LTN1: variants seen among roughly 807,000 people sequenced by gnomAD.
LTN1 encodes E3 ubiquitin-protein ligase listerin.
In LTN1, 88 loss-of-function variants were observed where a neutral mutation model predicts 201.2. The observed-to-expected ratio is 0.44, with a 90% CI of 0.37 to 0.52. LTN1 has a LOEUF of 0.52. Ranked by LOEUF, LTN1 falls within the 20% of genes least tolerant of loss-of-function variation. LTN1 has a pLI of 0.00. For missense variants in LTN1, 1,752 were observed against 2,038.7 expected (o/e 0.86, Z 2.71); for synonymous variants, 645 against 713.5 (o/e 0.90, Z 1.53).
chr21:28,953,439 T>C, intron 16 of LTN1, 63 bp from the exon 17 acceptor site: 1 of 1,220,450 alleles, frequency 8.2e-7, no homozygotes, highest in Non-Finnish European at 1.1e-6. Flanking sequence ...TCAATTACTT[T>C]CACTTCTCCA....
rs556846208 is a variant in LTN1 at position 28,934,519 on chromosome 21, C to A, written c.4875+590G>T. The stretch of plus-strand genomic sequence containing the variant: ...GTGACACCTCCCCGCCTCTCTCCCT[C>A]CTGCTCTGGCCATGTGAAGTGCTGA... On this transcript the variant is annotated intron_variant, in intron 27 of 29. Transcript: ENST00000361371. 2.6e-5 allele frequency among the ~76,000 whole-genome samples: 4 copies of A among 152,282 alleles called. No individual in the cohort carries two copies. The East Asian group carries it at 7.7e-4, about 29-fold the overall frequency.
At position 28,986,695 on chromosome 21, in the gene LTN1, T is replaced by A; in HGVS notation, c.246+36A>T. Reference sequence around the variant, plus strand: ...TGACATTTTATTTTAACAAAGGGATTTTCTTGATAATTTTTATGAAAACAA... The same window carrying A: ...TGACATTTTATTTTAACAAAGGGATATTCTTGATAATTTTTATGAAAACAA... On this transcript the variant is annotated intron_variant, in intron 2 of 29. Coordinates refer to ENST00000361371, the MANE Select transcript of LTN1 (RefSeq NM_015565.3). This position sits in a 1 kb window ranked among gnomAD's most constrained non-coding sequence, Gnocchi z 4.1. 1 of 1,499,062 alleles carries A rather than the reference T, an allele frequency of 6.7e-7. No individual in the cohort carries two copies. The highest frequency in any genetic ancestry group is 9.2e-7 in the Non-Finnish European group (1 of 1,082,034). 92.9% of individuals were successfully genotyped at this position (1,499,062 alleles called of 1,614,324 possible). A position where few individuals can be genotyped will look rare whatever the true frequency, so the allele number is the denominator to read the frequency against.
chr21:28,943,380 T>C (rs1483594732), intron 23 of LTN1, 44 bp from the exon 24 acceptor site: 2 of 1,192,954 alleles, frequency 1.7e-6, no homozygotes, highest in East Asian at 4.7e-5. Context: ...TATTAAACTG[T>C]TTATTAAGTC....
intron 25 of LTN1, among the ~76,000 whole-genome samples, chr21:28,938,560 C>A (rs890583425): frequency 3.9e-5 from 6 of 152,082 alleles, no homozygotes; most frequent in Non-Finnish European, 8.8e-5. Flanking sequence ...ACCCAGCAAT[C>A]CCACTCCAAG....
At chr21:28,936,338 C>T (rs2084256509) in intron 26 of LTN1, among the ~76,000 whole-genome samples, 188 bp downstream of exon 26, 1 of 152,168 alleles carries the variant, frequency 6.6e-6, no homozygotes, top group African/African-American at 2.4e-5. Context: ...TATTAAATTC[C>T]TCACAGTCTT....
chr21:28,986,363 G>A lies in LTN1; in HGVS notation c.247-126C>T. 4.2e-6 allele frequency: 3 copies of A among 706,874 alleles called. No homozygotes were observed. Among genetic ancestry groups the A allele is most frequent in the Non-Finnish European group, 7.5e-6 (3 of 401,738 alleles). 43.8% of individuals were successfully genotyped at this position (706,874 alleles called of 1,614,324 possible). On this transcript the variant is annotated intron_variant, in intron 2 of 29. Transcript: ENST00000361371. The surrounding 1 kb of genome is among the most constrained non-coding windows in gnomAD (Gnocchi z 4.1). ...TACACTATTTCTCTTTATGCCATAT[G>A]AGACTAGTTTGAAGAGCTCTTTCAC...
At chr21:28,963,629 G>A (rs1195669817) in intron 11 of LTN1, among the ~76,000 whole-genome samples, 1 of 152,158 alleles carries the variant, frequency 6.6e-6, no homozygotes, top group African/African-American at 2.4e-5. Flanking sequence ...CATCCATTCT[G>A]CAGCCCATGA....
intron 6 of LTN1, 151 bp downstream of exon 6, chr21:28,980,968 T>A (rs1293843219): frequency 4.4e-6 from 2 of 455,032 alleles, no homozygotes; most frequent in African/African-American, 4.1e-5. Context: ...AGAGTAACAT[T>A]CTAGTAAGAG....
intron 16 of LTN1, 77 bp from the exon 17 acceptor site, chr21:28,953,453 T>G (rs1259847709): frequency 1.8e-6 from 2 of 1,094,774 alleles, no homozygotes; most frequent in African/African-American, 1.6e-5. Flanking sequence ...TTCTCCACCT[T>G]GTTTTCTAAC....
Position 28,965,855 on chromosome 21 carries a change from C to A in LTN1, c.2163+10G>T. ...ACAAAAAAAAAAAGAAAAAAAAATCCCTAAGATACCTTTTCAATAATCTTA... is the reference window on the plus strand; with the variant it reads ...ACAAAAAAAAAAAGAAAAAAAAATCACTAAGATACCTTTTCAATAATCTTA... On this transcript the variant is annotated intron_variant, in intron 11 of 29. Transcript: ENST00000361371. 4 of 1,414,804 alleles carry A rather than the reference C, an allele frequency of 2.8e-6. No homozygotes were observed. Among genetic ancestry groups the A allele is most frequent in the Admixed American group, 2.1e-5 (1 of 46,578 alleles). The allele number at this position is 1,414,804 out of a possible 1,614,324, so 87.6% of individuals were successfully genotyped here. A position where few individuals can be genotyped will look rare whatever the true frequency, so the allele number is the denominator to read the frequency against.
Position 28,930,341 on chromosome 21 carries a change from TTTAAAAGTA to T in LTN1, c.*98_*106del. On this transcript the variant is annotated 3_prime_UTR_variant, in exon 30 of 30. Transcript: ENST00000361371. ...AAATAATTTTCCAGAGAAGGTCCTA[TTTAAAAGTA>T]ATGCTCACTGGCTTCCCCACATCCA... 1 of 736,558 alleles carries T rather than the reference TTTAAAAGTA, an allele frequency of 1.4e-6. No homozygotes were observed. The highest frequency in any genetic ancestry group is 2.2e-6 in the Non-Finnish European group (1 of 445,788). 45.6% of individuals were successfully genotyped at this position (736,558 alleles called of 1,614,324 possible).
At chr21:28,947,443 A>G in intron 19 of LTN1, 21 bp downstream of exon 19, 1 of 1,496,490 alleles carries the variant, frequency 6.7e-7, no homozygotes, top group Non-Finnish European at 8.9e-7. Context: ...TTAATGAAAT[A>G]TTTATTATCA....
Position 28,967,029 on chromosome 21 carries a change from T to A in LTN1, c.1462A>T (p.Ile488Leu). ...TCTGACAGTCTTTCCCAGAAATGTA[T>A]CAGTACGTTCTCCAAGTTGTGAGCT... ...KTAHNLENVLIHFWERLSEIC... is the reference protein window; with the variant it reads ...KTAHNLENVLLHFWERLSEIC... The change falls in exon 10 of 30, where the codon ATA becomes TTA. Residue 488 changes from isoleucine to leucine, a missense_variant. This residue lies in a region of LTN1 where 1,211 missense variants were observed against 1,312.8 expected (regional missense o/e 0.92). Coordinates refer to ENST00000361371, the MANE Select transcript of LTN1 (RefSeq NM_015565.3). 1 of 1,614,186 alleles carries A rather than the reference T, an allele frequency of 6.2e-7. No homozygotes were observed. The highest frequency in any genetic ancestry group is 8.5e-7 in the Non-Finnish European group (1 of 1,180,030).
intron 24 of LTN1, 93 bp from the exon 25 acceptor site, chr21:28,941,499 A>T: frequency 9.4e-7 from 1 of 1,064,502 alleles, no homozygotes; most frequent in Non-Finnish European, 1.4e-6. Context: ...TTTTAGAAAA[A>T]TTTCTCTGTT....
intron 14 of LTN1, 39 bp from the exon 15 acceptor site, chr21:28,957,515 C>T: frequency 2.0e-6 from 3 of 1,468,302 alleles, no homozygotes; most frequent in Admixed American, 2.3e-5. Context: ...TGTAGTTACG[C>T]TATGACTAGT....
chr21:28,933,956 G>A (rs375009942), intron 27 of LTN1, among the ~76,000 whole-genome samples: 131 of 152,108 alleles, frequency 8.6e-4, no homozygotes, highest in Middle Eastern at 3.4e-3. Context: ...GATTACAGGC[G>A]TGAGCCACCA....
chr21:28,963,446 G>A (rs2084496174), intron 11 of LTN1, among the ~76,000 whole-genome samples: 1 of 152,180 alleles, frequency 6.6e-6, no homozygotes, highest in Non-Finnish European at 1.5e-5. Flanking sequence ...CACGTTTATA[G>A]CGTGGTTTAT....
intron 11 of LTN1, chr21:28,964,544 T>A: frequency 6.8e-7 from 1 of 1,473,400 alleles, no homozygotes; most frequent in African/African-American, 1.4e-5. Context: ...TTGTGTAACT[T>A]GCTTTATTGC....
rs186374691 is a variant in LTN1, at chr21:28,964,761, A to G, written c.2163+1104T>C. 45 of 1,549,720 alleles carry G rather than the reference A, an allele frequency of 2.9e-5. No individual in the cohort carries two copies. In the East Asian group the frequency reaches 1.1e-3, roughly 36 times the overall value. On this transcript the variant is annotated intron_variant, in intron 11 of 29. Coordinates refer to ENST00000361371, the MANE Select transcript of LTN1 (RefSeq NM_015565.3). ...TGAGTATTTGCACTTCACGGCAGGT[A>G]CATTCCTAAGTTGGAAATGGATACA...
Sources: allele counts gnomAD v4.1 joint callset (sites outside exome capture counted in the v4.1 genomes callset), GRCh38; gene constraint gnomAD v4.1.1; regional missense constraint gnomAD v4.1.1; non-coding constraint Gnocchi (gnomAD v3.1); transcripts MANE v1.5; gene names NCBI Gene and HGNC (gene_info 2026-07-23, HGNC 2026-07-21).